SDK1: variants seen among roughly 807,000 people sequenced by gnomAD.
The protein encoded by SDK1 is protein sidekick-1.
SDK1 carries 157 observed loss-of-function variants against 245.5 expected under a neutral mutation model. That is an observed-to-expected ratio of 0.64 (90% CI 0.56 to 0.73). The LOEUF (loss-of-function observed/expected upper bound fraction) is 0.73, where lower values mean the gene tolerates loss of function less well. SDK1 is among the 30% of genes least tolerant of loss of function. SDK1 has a pLI of 0.00. For synonymous variants in SDK1, 1,647 were observed against 1,278.5 expected (o/e 1.29, Z -6.15); for missense variants, 3,583 against 3,002.3 (o/e 1.19, Z -4.52).
At chr7:3,396,697 T>C (rs1029185339) in intron 1 of SDK1, among the ~76,000 whole-genome samples, 5 of 151,772 alleles carry the variant, frequency 3.3e-5, no homozygotes, top group South Asian at 2.1e-4. Context: ...TTTCATGATA[T>C]ATCTTTTCCC....
intron 5 of SDK1, among the ~76,000 whole-genome samples, chr7:3,877,178 C>T (rs982252470): frequency 3.3e-5 from 5 of 152,208 alleles, no homozygotes; most frequent in Admixed American, 6.5e-5. Flanking sequence ...AGAGTGGCCA[C>T]TTGGTCTTTC....
chr7:3,447,155 T>C (rs1013000446), intron 1 of SDK1, among the ~76,000 whole-genome samples: 1 of 152,212 alleles, frequency 6.6e-6, no homozygotes, highest in Non-Finnish European at 1.5e-5. Context: ...TCAGTATTGT[T>C]TATATATGTC....
At chr7:3,843,584 G>A (rs1161462504) in intron 5 of SDK1, among the ~76,000 whole-genome samples, 1 of 152,066 alleles carries the variant, frequency 6.6e-6, no homozygotes, top group African/African-American at 2.4e-5. Flanking sequence ...GCTTTTGATG[G>A]AAATTAATTA....
intron 40 of SDK1, among the ~76,000 whole-genome samples, chr7:4,229,192 G>C (rs1037038447): frequency 2.0e-5 from 3 of 152,200 alleles, no homozygotes; most frequent in African/African-American, 7.2e-5. Flanking sequence ...ACAATCCACA[G>C]TTGAGAAATA....
Position 3,452,997 on chromosome 7 carries a change from T to C in SDK1, c.298+151113T>C, listed in dbSNP as rs937189734. On this transcript the variant is annotated intron_variant, in intron 1 of 44. Transcript: ENST00000404826. ...AAAACTACTCATGGCCATTGTGGGT[T>C]TTAATGCCACTGCCATCCCCGTCTT... Among the ~76,000 whole-genome samples the C allele has an allele frequency of 2.0e-5, 3 of 152,126 alleles. No individual in the cohort carries two copies. In the East Asian group the frequency reaches 5.8e-4, roughly 29 times the overall value.
chr7:4,225,351 C>T (rs1785371017), intron 40 of SDK1, among the ~76,000 whole-genome samples: 3 of 152,198 alleles, frequency 2.0e-5, no homozygotes, highest in African/African-American at 7.2e-5. Context: ...CGGTGTCCGT[C>T]CTCCCCAGCC....
intron 44 of SDK1, among the ~76,000 whole-genome samples, chr7:4,253,992 T>A (rs12667290): frequency 0.15 from 22,214 of 152,126 alleles, 2,838 homozygotes; most frequent in East Asian, 0.63. Context: ...TTTTTGGATA[T>A]TTTTGTTAGT....
intron 5 of SDK1, among the ~76,000 whole-genome samples, chr7:3,864,376 A>G (rs181777423): frequency 1.5e-4 from 23 of 152,268 alleles, no homozygotes; most frequent in African/African-American, 5.5e-4. Flanking sequence ...GAAGGTCGAT[A>G]TATGTTGATA....
intron 2 of SDK1, among the ~76,000 whole-genome samples, chr7:3,633,364 C>T (rs1279482882): frequency 6.6e-6 from 1 of 152,138 alleles, no homozygotes; most frequent in Non-Finnish European, 1.5e-5. Flanking sequence ...TTCTCCTCTG[C>T]ACTGACGCTG....
At chr7:4,087,974 A>G (rs1781533291) in intron 22 of SDK1, among the ~76,000 whole-genome samples, 1 of 152,238 alleles carries the variant, frequency 6.6e-6, no homozygotes, top group Non-Finnish European at 1.5e-5. Flanking sequence ...TTTCTTTAAT[A>G]AATTCTTCTG....
intron 1 of SDK1, among the ~76,000 whole-genome samples, chr7:3,553,031 A>C (rs1779465436): frequency 6.6e-6 from 1 of 152,164 alleles, no homozygotes; most frequent in Admixed American, 6.5e-5. Flanking sequence ...AATACAGAGA[A>C]ATAGTAAATA....
intron 1 of SDK1, among the ~76,000 whole-genome samples, chr7:3,400,943 G>A (rs148969386): frequency 1.1e-4 from 17 of 151,304 alleles, no homozygotes; most frequent in African/African-American, 3.6e-4. Flanking sequence ...TCAGCTGGCC[G>A]AACTCCAGTG....
intron 1 of SDK1, among the ~76,000 whole-genome samples, chr7:3,581,182 G>C (rs1780476185): frequency 6.6e-6 from 1 of 152,010 alleles, no homozygotes; most frequent in Non-Finnish European, 1.5e-5. Flanking sequence ...ACAATCTGTA[G>C]AATAGGAGAA....
intron 35 of SDK1, among the ~76,000 whole-genome samples, chr7:4,201,481 TATTTC>T (rs1233417489): frequency 1.3e-5 from 2 of 152,316 alleles, no homozygotes; most frequent in South Asian, 2.1e-4. Context: ...TAAAGAAAAT[TATTTC>T]ATTATATTAA....
At chr7:3,968,773 C>A (rs1341367949) in intron 10 of SDK1, among the ~76,000 whole-genome samples, 2 of 152,178 alleles carry the variant, frequency 1.3e-5, no homozygotes, top group Non-Finnish European at 2.9e-5. Context: ...TCTTTTCCTA[C>A]AATTTTCACT....
chr7:3,402,270 G>A (rs930164477), intron 1 of SDK1, among the ~76,000 whole-genome samples: 3 of 152,178 alleles, frequency 2.0e-5, no homozygotes, highest in Non-Finnish European at 4.4e-5. Flanking sequence ...GAGAATGAAT[G>A]ATATCTGTTA....
rs368561254 is a variant in SDK1 at position 3,818,852 on chromosome 7, G to A, written c.714-2598G>A. On this transcript the variant is annotated intron_variant, in intron 4 of 44. Transcript: ENST00000404826. Reference sequence around the variant, plus strand: ...GCCATAAAATCACCACCATGAACACGTTGGACAAAATGATCAAGACCCACA... The same window carrying A: ...GCCATAAAATCACCACCATGAACACATTGGACAAAATGATCAAGACCCACA... Among the ~76,000 whole-genome samples, 13 of 152,254 alleles carry A rather than the reference G, an allele frequency of 8.5e-5. 1 individual carries two copies. The East Asian group carries it at 2.1e-3, about 25-fold the overall frequency.
At chr7:4,227,479 G>A (rs1454260095) in intron 40 of SDK1, 7 of 467,820 alleles carry the variant, frequency 1.5e-5, no homozygotes, top group Non-Finnish European at 3.1e-5. Context: ...AGCGCCACCA[G>A]CTTCAGTAAA....
At chr7:3,692,463 C>T (rs1784462921) in intron 4 of SDK1, among the ~76,000 whole-genome samples, 1 of 152,024 alleles carries the variant, frequency 6.6e-6, no homozygotes, top group South Asian at 2.1e-4. Flanking sequence ...GAGAGGATTT[C>T]TTATATTACA....
Sources: allele counts gnomAD v4.1 joint callset (sites outside exome capture counted in the v4.1 genomes callset), GRCh38; gene constraint gnomAD v4.1.1; transcripts MANE v1.5; gene names NCBI Gene and HGNC (gene_info 2026-07-23, HGNC 2026-07-21).